Variants in FRMD6 observed in about 807,000 individuals in gnomAD.
The protein encoded by FRMD6 is FERM domain containing 6, also known as FERM domain-containing protein 6.
In FRMD6, 37 loss-of-function variants were observed where a neutral mutation model predicts 73.2. That is an observed-to-expected ratio of 0.51 (90% CI 0.39 to 0.66). FRMD6 has a LOEUF of 0.66. Ranked by LOEUF, FRMD6 falls within the 30% of genes least tolerant of loss-of-function variation. The pLI is 0.00. For missense variants in FRMD6, 714 were observed against 780.5 expected (o/e 0.91, Z 1.02); for synonymous variants, 273 against 282.2 (o/e 0.97, Z 0.33).
intron 2 of FRMD6, among the ~76,000 whole-genome samples, chr14:51,697,547 G>A (rs1461329329): frequency 6.6e-6 from 1 of 152,040 alleles, no homozygotes; most frequent in Non-Finnish European, 1.5e-5. Flanking sequence ...CAGTTAGGAG[G>A]AATAAGTTCA....
At chr14:51,614,644 T>C (rs2139885468) in intron 2 of FRMD6, among the ~76,000 whole-genome samples, 1 of 152,314 alleles carries the variant, frequency 6.6e-6, no homozygotes, top group African/African-American at 2.4e-5. Flanking sequence ...ATCTTCAAAC[T>C]CCCATGTATG....
At chr14:51,404,361 T>A in the FRMD6 span, among the ~76,000 whole-genome samples, 2 of 152,182 alleles carry the variant, frequency 1.3e-5, no homozygotes, top group Non-Finnish European at 2.9e-5. Flanking sequence ...ATATTTATGA[T>A]GTCTTTCAAT....
chr14:51,435,924 TA>T, the FRMD6 span: 1 of 157,440 alleles, frequency 6.4e-6, no homozygotes, highest in East Asian at 1.9e-4. Flanking sequence ...AAATGTCAAC[TA>T]AAAAAGATTA....
At chr14:51,532,660 A>G (rs1165659074) in intron 1 of FRMD6, among the ~76,000 whole-genome samples, 5 of 152,180 alleles carry the variant, frequency 3.3e-5, no homozygotes, top group African/African-American at 1.2e-4. Context: ...TTATTTCATA[A>G]TTTCCTGAGT....
intron 1 of FRMD6, among the ~76,000 whole-genome samples, chr14:51,528,245 C>A (rs541754321): frequency 5.3e-5 from 8 of 152,322 alleles, no homozygotes; most frequent in Admixed American, 5.2e-4. Flanking sequence ...GCCAGTGGAT[C>A]ATCCAGCTGA....
At chr14:51,449,789 C>T in the FRMD6 span, among the ~76,000 whole-genome samples, 2 of 152,174 alleles carry the variant, frequency 1.3e-5, no homozygotes, top group African/African-American at 2.4e-5. Flanking sequence ...CACAAACCCA[C>T]AGCTGATGGT....
the FRMD6 span, among the ~76,000 whole-genome samples, chr14:51,450,150 C>T: frequency 6.6e-6 from 1 of 152,172 alleles, no homozygotes; most frequent in Non-Finnish European, 1.5e-5. Context: ...CTGTGACTTA[C>T]TGCCACAGAG....
intron 1 of FRMD6, among the ~76,000 whole-genome samples, chr14:51,670,137 A>G (rs1430116886): frequency 2.6e-5 from 4 of 152,160 alleles, no homozygotes; most frequent in South Asian, 4.1e-4. Context: ...AGTGCAGTGC[A>G]TGATCATGGC....
At chr14:51,594,790 C>T (rs1190167903) in intron 2 of FRMD6, among the ~76,000 whole-genome samples, 2 of 152,158 alleles carry the variant, frequency 1.3e-5, no homozygotes, top group Non-Finnish European at 2.9e-5. Flanking sequence ...CCCTTGTCCA[C>T]CCCAGGGACC....
the FRMD6 span, among the ~76,000 whole-genome samples, chr14:51,405,677 G>C: frequency 6.6e-6 from 1 of 151,644 alleles, no homozygotes; most frequent in African/African-American, 2.4e-5. Context: ...GTTTTCTCTT[G>C]TATATTTGTT....
chr14:51,460,645 C>T, the FRMD6 span, among the ~76,000 whole-genome samples: 4 of 152,280 alleles, frequency 2.6e-5, no homozygotes, highest in South Asian at 8.3e-4. Flanking sequence ...ACATCTCAAA[C>T]CACCTTCATA....
At chr14:51,607,459 T>G (rs141138873) in intron 2 of FRMD6, among the ~76,000 whole-genome samples, 1 of 152,302 alleles carries the variant, frequency 6.6e-6, no homozygotes, top group East Asian at 1.9e-4. Flanking sequence ...TAATGTTGAC[T>G]GACAAAGAAA....
chr14:51,572,111 C>T (rs890473798), intron 2 of FRMD6, among the ~76,000 whole-genome samples: 40 of 152,338 alleles, frequency 2.6e-4, no homozygotes, highest in African/African-American at 9.1e-4. Flanking sequence ...GCATTAGGGA[C>T]GTGATAAAAT....
intron 7 of FRMD6, among the ~76,000 whole-genome samples, chr14:51,710,770 TTATACAC>T (rs1300058795): frequency 6.6e-6 from 1 of 152,190 alleles, no homozygotes; most frequent in Admixed American, 6.6e-5. Flanking sequence ...ATTTTGAACT[TTATACAC>T]TATATATACT....
the FRMD6 span, among the ~76,000 whole-genome samples, chr14:51,469,448 C>T: frequency 6.6e-6 from 1 of 150,384 alleles, no homozygotes; most frequent in East Asian, 2.0e-4. Flanking sequence ...CCCATCTCTA[C>T]TAAAAATACA....
intron 1 of FRMD6, among the ~76,000 whole-genome samples, chr14:51,514,451 C>T (rs1294667442): frequency 1.3e-5 from 2 of 152,110 alleles, no homozygotes; most frequent in African/African-American, 2.4e-5. Context: ...CACCATGGCA[C>T]ATGTATACCT....
chr14:51,721,834 A>C (rs1897635277), intron 11 of FRMD6, 115 bp from the exon 12 acceptor site: 2 of 1,224,042 alleles, frequency 1.6e-6, no homozygotes, highest in Admixed American at 3.9e-5. Context: ...GAGTCTCATT[A>C]GCAAATTTAT....
the FRMD6 span, among the ~76,000 whole-genome samples, chr14:51,476,447 A>T: frequency 5.3e-5 from 8 of 152,118 alleles, no homozygotes; most frequent in Non-Finnish European, 8.8e-5. Context: ...GACTTTGAAA[A>T]CAGGTAGAAA....
chr14:51,599,271 G>A (rs1051750818), intron 2 of FRMD6, among the ~76,000 whole-genome samples: 3 of 151,696 alleles, frequency 2.0e-5, no homozygotes, highest in African/African-American at 7.3e-5. Flanking sequence ...AATGGTGCTG[G>A]GATAGCTAGC....
Sources: gnomAD v4.1 joint callset for allele counts (sites outside exome capture counted in the v4.1 genomes callset) on GRCh38, gnomAD v4.1.1 for gene constraint, MANE v1.5 for transcripts, NCBI Gene and HGNC (gene_info 2026-07-23, HGNC 2026-07-21) for gene names.